The following GAS2L3 variants were observed in gnomAD, a reference collection of about 807,000 sequenced individuals.
GAS2L3 encodes the protein GAS2-like protein 3.
A neutral mutation model predicts 37.0 loss-of-function variants in GAS2L3; 28 were observed. The observed-to-expected ratio is 0.76, with a 90% confidence interval of 0.56 to 1.04. The LOEUF is 1.04. Among genes scored for constraint, GAS2L3 ranks in the 50% least tolerant of loss-of-function variants. The probability of loss-of-function intolerance (pLI) is 0.00; values close to 1 mark genes in which losing one functional copy is unlikely to be tolerated. For missense variants in GAS2L3, 793 were observed against 817.6 expected (o/e 0.97, Z 0.37); for synonymous variants, 290 against 296.6 (o/e 0.98, Z 0.23).
At chr12:100,597,205 C>G (rs1344620947) in intron 3 of GAS2L3, among the ~76,000 whole-genome samples, 1 of 151,902 alleles carries the variant, frequency 6.6e-6, no homozygotes, top group Non-Finnish European at 1.5e-5. Context: ...ATCTGCTCTG[C>G]TTTTTTTCAG....
intron 1 of GAS2L3, among the ~76,000 whole-genome samples, chr12:100,591,201 C>T (rs775072890): frequency 6.6e-6 from 1 of 152,124 alleles, no homozygotes; most frequent in Non-Finnish European, 1.5e-5. Flanking sequence ...ATGTTCATCA[C>T]TGTGTCTCTT....
intron 1 of GAS2L3, chr12:100,578,899 C>T: frequency 1.2e-6 from 1 of 862,512 alleles, no homozygotes; most frequent in Non-Finnish European, 2.0e-6. Context: ...TGGAAAGCCA[C>T]ATTTACCAGC....
chr12:100,590,898 A>C (rs941380490), intron 1 of GAS2L3, among the ~76,000 whole-genome samples: 4 of 151,744 alleles, frequency 2.6e-5, no homozygotes, highest in Non-Finnish European at 5.9e-5. Context: ...ACAAATGCAT[A>C]AGAATGATGC....
At chr12:100,611,884 T>C (rs1030568686) in intron 5 of GAS2L3, 116 bp from the exon 6 acceptor site, 1 of 708,606 alleles carries the variant, frequency 1.4e-6, no homozygotes, top group Non-Finnish European at 2.4e-6. Context: ...TTCTCTAAAA[T>C]TGTGTACTTT....
At chr12:100,578,420 G>GGAT in intron 1 of GAS2L3, among the ~76,000 whole-genome samples, 1 of 152,256 alleles carries the variant, frequency 6.6e-6, no homozygotes, top group South Asian at 2.1e-4. Context: ...ATGAGGAGGA[G>GGAT]GATGATAGTA....
intron 5 of GAS2L3, among the ~76,000 whole-genome samples, chr12:100,608,808 G>T (rs960638249): frequency 1.3e-5 from 2 of 152,154 alleles, no homozygotes; most frequent in Non-Finnish European, 2.9e-5. Context: ...GCTACACCCG[G>T]CCTGAAGTCT....
chr12:100,594,938 G>C lies in GAS2L3; in HGVS notation c.18+16G>C. ...TGCAATTCAAGTAAGTTTTTTTCTT[G>C]GAAACAATATTTAAATTATGAGATT... On this transcript the variant is annotated intron_variant, in intron 3 of 9. Coordinates refer to ENST00000547754, the MANE Select transcript of GAS2L3 (RefSeq NM_174942.3). 1 of 1,209,578 alleles carries C rather than the reference G, an allele frequency of 8.3e-7. No homozygotes were observed. Among genetic ancestry groups the C allele is most frequent in the South Asian group, 1.6e-5 (1 of 62,528 alleles). 74.9% of individuals were successfully genotyped at this position (1,209,578 alleles called of 1,614,324 possible).
chr12:100,599,685 T>C (rs1394973584), intron 3 of GAS2L3, among the ~76,000 whole-genome samples: 1 of 152,186 alleles, frequency 6.6e-6, no homozygotes, highest in Non-Finnish European at 1.5e-5. Context: ...CAACAAATGT[T>C]TATTGAGTCT....
chr12:100,582,345 G>A (rs1955724028), intron 1 of GAS2L3, among the ~76,000 whole-genome samples: 1 of 152,216 alleles, frequency 6.6e-6, no homozygotes, highest in Non-Finnish European at 1.5e-5. Context: ...CATCAGTTAA[G>A]GCAGGAACTG....
rs902470348 is a variant in GAS2L3, at chr12:100,625,766, G to A, written c.*876G>A. 2.6e-5 allele frequency: 4 copies of A among 152,072 alleles called. No homozygotes were observed. The highest frequency in any genetic ancestry group is 7.2e-5 in the African/African-American group (3 of 41,428). 9.4% of individuals were successfully genotyped at this position (152,072 alleles called of 1,614,324 possible). On this transcript the variant is annotated 3_prime_UTR_variant, in exon 10 of 10. Transcript: ENST00000547754. ...CTGACATTTTACATTAAAATAATGT[G>A]AAACATCAGAATTATGTTTTAACAA... is the stretch of plus-strand genomic sequence containing the variant.
At position 100,626,690 on chromosome 12, in the gene GAS2L3, A is replaced by G. The variant is rs890242292; in HGVS notation, c.*1800A>G. 6.6e-6 allele frequency: 1 copy of G among 152,232 alleles called. No individual in the cohort carries two copies. Among genetic ancestry groups the G allele is most frequent in the Non-Finnish European group, 1.5e-5 (1 of 68,038 alleles). 9.4% of individuals were successfully genotyped at this position (152,232 alleles called of 1,614,324 possible). ...GAATTGTAGGCAATTTATGAATCCTAGTAGATTTTACAATATGTAATTTAT... is the reference window on the plus strand; with the variant it reads ...GAATTGTAGGCAATTTATGAATCCTGGTAGATTTTACAATATGTAATTTAT... On this transcript the variant is annotated 3_prime_UTR_variant, in exon 10 of 10. Coordinates refer to ENST00000547754, the MANE Select transcript of GAS2L3 (RefSeq NM_174942.3).
chr12:100,602,390 C>T (rs1444408341), intron 5 of GAS2L3, among the ~76,000 whole-genome samples: 1 of 151,866 alleles, frequency 6.6e-6, no homozygotes, highest in Non-Finnish European at 1.5e-5. Context: ...TGGAAATTTA[C>T]ACACAGTTGG....
At chr12:100,609,394 C>T (rs1651100722) in intron 5 of GAS2L3, among the ~76,000 whole-genome samples, 1 of 152,214 alleles carries the variant, frequency 6.6e-6, no homozygotes, top group Non-Finnish European at 1.5e-5. Flanking sequence ...TGCCAGGTCA[C>T]TACTGTGACA....
Position 100,623,577 on chromosome 12 carries a change from C to T in GAS2L3, c.772C>T (p.His258Tyr). 6.3e-7 allele frequency: 1 copy of T among 1,599,964 alleles called. No homozygotes were observed. The highest frequency in any genetic ancestry group is 8.5e-7 in the Non-Finnish European group (1 of 1,173,910). The part of the protein sequence containing the change: ...ILFIRMLHGK[H>Y]VMVRVGGGWD... ...TTGGGGGCAGATGCTTCATGGAAAA[C>T]ATGTCATGGTTCGCGTTGGTGGAGG... Residue 258 changes from histidine (H) to tyrosine (Y), a missense_variant, in exon 10 of 10, where the codon CAT becomes TAT. Transcript: ENST00000547754.
intron 1 of GAS2L3, among the ~76,000 whole-genome samples, chr12:100,586,076 CTTAG>C (rs1448539669): frequency 1.3e-5 from 2 of 152,182 alleles, no homozygotes; most frequent in Non-Finnish European, 2.9e-5. Context: ...TCGCTACTCT[CTTAG>C]TTAAAATTCA....
rs1956315938 is a variant in GAS2L3, at chr12:100,624,872, T to C, written c.2067T>C (p.Ser689=). ...ACCATTATTTTGTCATGACTGGAAGTAAGAAACCTAGAAAATAAATACATA... is the reference window on the plus strand; with the variant it reads ...ACCATTATTTTGTCATGACTGGAAGCAAGAAACCTAGAAAATAAATACATA... ...DDDHYFVMTG[S]KKPRK is the part of the protein sequence containing the mutation. Residue 689 remains serine (S), a synonymous_variant, in exon 10 of 10, where the codon AGT becomes AGC. Coordinates refer to ENST00000547754, the MANE Select transcript of GAS2L3 (RefSeq NM_174942.3). 6.3e-7 allele frequency: 1 copy of C among 1,581,054 alleles called. No homozygotes were observed. The highest frequency in any genetic ancestry group is 8.6e-7 in the Non-Finnish European group (1 of 1,160,216).
rs1358365664 is a variant in GAS2L3, at chr12:100,612,045, G to C, written c.349G>C (p.Gly117Arg). ...GCCCTGTAAGAAAGATGCTGCATCA[G>C]GTTCATTCTTTGCTCGGGACAATAC... ...KVPCKKDAAS[G>R]SFFARDNTAN... The change falls in exon 6 of 10, where the codon GGT becomes CGT. Residue 117 changes from glycine to arginine, a missense_variant. Gly to Arg is a moderately radical substitution (Grantham distance 125, BLOSUM62 -2). Transcript: ENST00000547754. 1.2e-6 allele frequency: 2 copies of C among 1,611,694 alleles called. No homozygotes were observed. The highest frequency in any genetic ancestry group is 3.3e-5 in the Admixed American group (2 of 59,998).
intron 3 of GAS2L3, among the ~76,000 whole-genome samples, chr12:100,598,472 A>G (rs1443481738): frequency 6.6e-6 from 1 of 151,970 alleles, no homozygotes; most frequent in Non-Finnish European, 1.5e-5. Context: ...TATGATTTTG[A>G]TTTGTCCCAT....
At chr12:100,604,953 G>T (rs1956038704) in intron 5 of GAS2L3, among the ~76,000 whole-genome samples, 1 of 151,934 alleles carries the variant, frequency 6.6e-6, no homozygotes, top group Non-Finnish European at 1.5e-5. Flanking sequence ...ATCCCAGTTG[G>T]TCATGATGAA....
Sources: allele counts gnomAD v4.1 joint callset (sites outside exome capture counted in the v4.1 genomes callset), GRCh38; gene constraint gnomAD v4.1.1; transcripts MANE v1.5; gene names NCBI Gene and HGNC (gene_info 2026-07-23, HGNC 2026-07-21).